Variants in SPECC1L observed in about 807,000 individuals in gnomAD.
SPECC1L encodes sperm antigen with calponin homology and coiled-coil domains 1 like.
Under a neutral mutation model 116.8 loss-of-function variants are expected in SPECC1L, and 40 were observed. The ratio of observed to expected loss-of-function variants is 0.34; its 90% CI spans 0.27 to 0.45. The LOEUF is 0.45. SPECC1L is among the 20% of genes least tolerant of loss of function. SPECC1L has a pLI of 1.00. For synonymous variants in SPECC1L, 504 were observed against 500.6 expected (o/e 1.01, Z -0.09); for missense variants, 1,110 against 1,373.6 (o/e 0.81, Z 3.03).
chr22:24,399,558 G>A (rs1042209294), intron 14 of SPECC1L, among the ~76,000 whole-genome samples: 2 of 151,800 alleles, frequency 1.3e-5, no homozygotes, highest in Admixed American at 6.6e-5. Context: ...GCGACAAAGC[G>A]AGACTCCATT....
At chr22:24,340,485 C>T (rs2041155192) in intron 10 of SPECC1L, among the ~76,000 whole-genome samples, 1 of 152,084 alleles carries the variant, frequency 6.6e-6, no homozygotes. Flanking sequence ...ATTAATCAAA[C>T]TTCATCTAAA....
intron 14 of SPECC1L, among the ~76,000 whole-genome samples, chr22:24,372,798 T>C (rs555397086): frequency 1.3e-5 from 2 of 151,982 alleles, no homozygotes; most frequent in East Asian, 3.9e-4. Context: ...GAGAAAGAAA[T>C]AAAGAGTATT....
At position 24,322,604 on chromosome 22, in the gene SPECC1L, C is replaced by A; in HGVS notation, c.1624C>A (p.His542Asn). Reference sequence around the variant, plus strand: ...GATAGGGGCACTCAAAGAACGCAGTCACCATATGGAGCGAATTATTGAGTC... The same window carrying A: ...GATAGGGGCACTCAAAGAACGCAGTAACCATATGGAGCGAATTATTGAGTC... ...EMIGALKERS[H>N]HMERIIESEQ... Residue 542 changes from histidine (H) to asparagine (N), a missense_variant, in exon 5 of 17, where the codon CAC (histidine) becomes AAC (asparagine). By Grantham distance (68) the His-to-Asn change is moderately conservative (BLOSUM62 1). Transcript: ENST00000314328. 6.2e-7 allele frequency: 1 copy of A among 1,614,122 alleles called. No individual in the cohort carries two copies. Among genetic ancestry groups the A allele is most frequent in the South Asian group, 1.1e-5 (1 of 91,014 alleles).
intron 14 of SPECC1L, among the ~76,000 whole-genome samples, chr22:24,379,655 A>G (rs1192512609): frequency 1.3e-5 from 2 of 152,148 alleles, no homozygotes; most frequent in African/African-American, 4.8e-5. Flanking sequence ...TGTACACTTG[A>G]CAGTCTTGGC....
chr22:24,309,068 G>C (rs1004906608), intron 3 of SPECC1L, among the ~76,000 whole-genome samples: 1 of 152,042 alleles, frequency 6.6e-6, no homozygotes, highest in African/African-American at 2.4e-5. Flanking sequence ...AGGAGGCCTT[G>C]TTCTTTTTAG....
chr22:24,330,928 G>A (rs565597767), intron 8 of SPECC1L, among the ~76,000 whole-genome samples: 31 of 152,316 alleles, frequency 2.0e-4, no homozygotes, highest in Admixed American at 3.9e-4. Flanking sequence ...TGCCTGCCAA[G>A]TGCTCAGGGC....
chr22:24,417,212 T>C lies in SPECC1L; in HGVS notation c.*2589T>C, dbSNP rs181742284. The C allele has an allele frequency of 2.0e-5, 3 of 152,744 alleles. No homozygotes were observed. Among genetic ancestry groups the C allele is most frequent in the African/African-American group, 7.2e-5 (3 of 41,592 alleles). 9.5% of individuals were successfully genotyped at this position (152,744 alleles called of 1,614,324 possible). On this transcript the variant is annotated 3_prime_UTR_variant, in exon 17 of 17. Transcript: ENST00000314328. ...CCGACGATACGTTTAAATGTTGTTCTAGTAAATATTCTTGAATGTATTAAA... is the reference window on the plus strand; with the variant it reads ...CCGACGATACGTTTAAATGTTGTTCCAGTAAATATTCTTGAATGTATTAAA...
chr22:24,281,450 C>T (rs372694750), intron 2 of SPECC1L, among the ~76,000 whole-genome samples: 17 of 152,256 alleles, frequency 1.1e-4, no homozygotes, highest in African/African-American at 3.4e-4. Flanking sequence ...CCATGGTATA[C>T]TTCTCAATTT....
At chr22:24,293,786 A>T (rs1425185150) in intron 2 of SPECC1L, among the ~76,000 whole-genome samples, 1 of 129,942 alleles carries the variant, frequency 7.7e-6, no homozygotes, top group Admixed American at 8.3e-5. Flanking sequence ...ACTTGGAAGG[A>T]GGGCCAATTT....
At chr22:24,341,849 G>A (rs116070752) in intron 10 of SPECC1L, among the ~76,000 whole-genome samples, 5,136 of 152,324 alleles carry the variant, frequency 0.034, 177 homozygotes, top group African/African-American at 0.083. Context: ...CAGCCCTGCA[G>A]AGAGGCCCAC....
At chr22:24,274,560 A>G (rs1233074812) in intron 1 of SPECC1L, among the ~76,000 whole-genome samples, 2 of 152,210 alleles carry the variant, frequency 1.3e-5, no homozygotes, top group African/African-American at 2.4e-5. Context: ...TCAAAGAATA[A>G]TTTGGTATTC....
intron 3 of SPECC1L, among the ~76,000 whole-genome samples, chr22:24,312,069 A>G (rs989903562): frequency 6.6e-6 from 1 of 152,096 alleles, no homozygotes; most frequent in Non-Finnish European, 1.5e-5. Context: ...CCCGGGCTCA[A>G]GCGATCCTCT....
intron 2 of SPECC1L, among the ~76,000 whole-genome samples, chr22:24,284,704 G>A (rs2049009153): frequency 6.6e-6 from 1 of 152,004 alleles, no homozygotes; most frequent in Non-Finnish European, 1.5e-5. Context: ...GAAAGTGCTG[G>A]GATTACATGC....
chr22:24,312,304 A>G (rs1225597170), intron 3 of SPECC1L, among the ~76,000 whole-genome samples: 4 of 152,198 alleles, frequency 2.6e-5, no homozygotes, highest in Non-Finnish European at 4.4e-5. Context: ...GTACTGTATT[A>G]GAACTTTGAT....
intron 2 of SPECC1L, among the ~76,000 whole-genome samples, chr22:24,287,582 C>A (rs1569404694): frequency 6.6e-6 from 1 of 152,154 alleles, no homozygotes; most frequent in Non-Finnish European, 1.5e-5. Context: ...ATTTAGCACA[C>A]CAAGGCCCCC....
chr22:24,326,402 C>T (rs2040822495), intron 6 of SPECC1L, among the ~76,000 whole-genome samples: 1 of 152,138 alleles, frequency 6.6e-6, no homozygotes. Context: ...AACCAAGTTC[C>T]CTTGCTGATT....
chr22:24,343,822 T>C (rs964328872), intron 10 of SPECC1L, among the ~76,000 whole-genome samples: 2 of 151,598 alleles, frequency 1.3e-5, no homozygotes, highest in Non-Finnish European at 2.9e-5. Flanking sequence ...AAAGTAAAAG[T>C]AAAATTATTT....
At chr22:24,319,566 A>G (rs1435989795) in intron 4 of SPECC1L, among the ~76,000 whole-genome samples, 1 of 152,038 alleles carries the variant, frequency 6.6e-6, no homozygotes, top group Non-Finnish European at 1.5e-5. Context: ...TTTCTTTCCT[A>G]CTCAGGATCA....
rs188090187 is a variant in SPECC1L, at chr22:24,280,968, A to G, written c.-38+4165A>G. On this transcript the variant is annotated intron_variant, in intron 2 of 16. Coordinates refer to ENST00000314328, the MANE Select transcript of SPECC1L (RefSeq NM_015330.6). Reference sequence around the variant, plus strand: ...TTTTTGGGCTGAAAAAAGACAAGTGATGGGTCAGATTTGGCCCCGGATTGT... The same window carrying G: ...TTTTTGGGCTGAAAAAAGACAAGTGGTGGGTCAGATTTGGCCCCGGATTGT... Among the ~76,000 whole-genome samples the G allele has an allele frequency of 2.8e-4, 43 of 152,274 alleles. 1 individual carries two copies. In the East Asian group the frequency reaches 7.7e-3, roughly 27 times the overall value.
Sources: gnomAD v4.1 joint callset for allele counts (sites outside exome capture counted in the v4.1 genomes callset) on GRCh38, gnomAD v4.1.1 for gene constraint, MANE v1.5 for transcripts, NCBI Gene and HGNC (gene_info 2026-07-23, HGNC 2026-07-21) for gene names.